Variants in GSTA3 observed in about 807,000 individuals in gnomAD.
GSTA3 encodes glutathione S-transferase alpha 3.
In GSTA3, 16 loss-of-function variants were observed where a neutral mutation model predicts 23.1. The ratio of observed to expected loss-of-function variants is 0.69; its 90% confidence interval spans 0.47 to 1.05. The LOEUF is 1.05. Among genes scored for constraint, GSTA3 ranks in the 50% least tolerant of loss-of-function variants. GSTA3 has a pLI of 0.00. For missense variants in GSTA3, 319 were observed against 263.6 expected (o/e 1.21, Z -1.46); for synonymous variants, 122 against 91.0 (o/e 1.34, Z -1.94).
In GSTA3 at chr6:52,905,768, A is replaced by G; in HGVS notation, c.67T>C (p.Leu23=). 1 of 1,606,866 alleles carries G rather than the reference A, an allele frequency of 6.2e-7. No individual in the cohort carries two copies. The highest frequency in any genetic ancestry group is 8.5e-7 in the Non-Finnish European group (1 of 1,174,476). Reference sequence around the variant, plus strand: ...CATACCTCCACTCCAGCTGCAGCCAAGAGCCACCGGATGGGCTCCATTCTG... The same window carrying G: ...CATACCTCCACTCCAGCTGCAGCCAGGAGCCACCGGATGGGCTCCATTCTG... The part of the protein sequence containing the change: ...RGRMEPIRWL[L]AAAGVEFEEK... Residue 23 remains leucine (L), a synonymous_variant, in exon 2 of 7, where the codon TTG becomes CTG. Transcript: ENST00000211122.
intron 5 of GSTA3, among the ~76,000 whole-genome samples, chr6:52,899,147 T>C (rs1429998990): frequency 6.6e-6 from 1 of 151,912 alleles, no homozygotes; most frequent in Non-Finnish European, 1.5e-5. Flanking sequence ...GTGATCGGAA[T>C]GAGTTAGGGT....
Position 52,902,415 on chromosome 6 carries a change from G to C in GSTA3, c.203C>G (p.Thr68Ser). 1.2e-6 allele frequency: 2 copies of C among 1,613,898 alleles called. No individual in the cohort carries two copies. The highest frequency in any genetic ancestry group is 1.7e-6 in the Non-Finnish European group (2 of 1,179,858). The change falls in exon 4 of 7, where the codon ACC (threonine) becomes AGC (serine). Residue 68 changes from threonine (T) to serine (S), a missense_variant. Thr to Ser is a moderately conservative substitution (Grantham distance 58). Transcript: ENST00000211122. ...GGCAATGTAGTTGAGAATGGCTCTG[G>C]TCTGTACCAACTTCATCCCATCAAT... ...VEIDGMKLVQ[T>S]RAILNYIASK...
In GSTA3 at chr6:52,897,867, T is replaced by C. The variant is rs1179011014; in HGVS notation, c.504A>G (p.Glu168=). Residue 168 remains glutamate (E), a synonymous_variant, in exon 6 of 7, where the codon GAA becomes GAG. Transcript: ENST00000211122. The part of the protein sequence containing the change: ...ISLVELLYYV[E]ELDSSLISNF... ...TGGAGATAAGGCTGGAGTCAAGCTC[T>C]TCCACATAGTAGAGAAGTTCCACCA... 3.1e-6 allele frequency: 5 copies of C among 1,613,876 alleles called. No homozygotes were observed. In the East Asian group the frequency reaches 8.9e-5, roughly 29 times the overall value.
chr6:52,900,726 G>C (rs763249799), intron 4 of GSTA3, among the ~76,000 whole-genome samples: 13 of 152,182 alleles, frequency 8.5e-5, no homozygotes, highest in Non-Finnish European at 1.8e-4. Flanking sequence ...GCTGTGCCAG[G>C]ATTTATCATC....
chr6:52,902,287 G>A (rs1765712993), intron 4 of GSTA3, 59 bp downstream of exon 4: 5 of 1,603,958 alleles, frequency 3.1e-6, no homozygotes, highest in Middle Eastern at 4.0e-4. Context: ...ACCCACTCAA[G>A]GAAGGACCTA....
chr6:52,901,365 C>G (rs1765679090), intron 4 of GSTA3, among the ~76,000 whole-genome samples: 1 of 152,220 alleles, frequency 6.6e-6, no homozygotes, highest in African/African-American at 2.4e-5. Context: ...ATTTCATACA[C>G]ACAATCCTAC....
rs45622744 is a variant in GSTA3 at position 52,900,509 on chromosome 6, C to T, written c.273-434G>A. 3.9e-3 allele frequency among the ~76,000 whole-genome samples: 593 copies of T among 152,220 alleles called. 4 individuals carry two copies. Among genetic ancestry groups the T allele is most frequent in the Non-Finnish European group, 6.6e-3 (446 of 68,006 alleles). ...AACCCCTGACCTCACGTGATCCACCCGCCTTGGCCTCCCAAAGTGCTAGGA... is the reference window on the plus strand; with the variant it reads ...AACCCCTGACCTCACGTGATCCACCTGCCTTGGCCTCCCAAAGTGCTAGGA... On this transcript the variant is annotated intron_variant, in intron 4 of 6. Coordinates refer to ENST00000211122, the MANE Select transcript of GSTA3 (RefSeq NM_000847.5).
In GSTA3 at chr6:52,902,401, T is replaced by G; in HGVS notation, c.217A>C (p.Asn73His). ...AGGTTGTATTTGCTGGCAATGTAGT[T>G]GAGAATGGCTCTGGTCTGTACCAAC... Reference protein sequence around the residue: ...MKLVQTRAILNYIASKYNLYG... With the variant: ...MKLVQTRAILHYIASKYNLYG... Residue 73 changes from asparagine to histidine, a missense_variant, in exon 4 of 7, where the codon AAC (asparagine) becomes CAC (histidine). Transcript: ENST00000211122. 1.9e-6 allele frequency: 3 copies of G among 1,614,050 alleles called. No individual in the cohort carries two copies. Among genetic ancestry groups the G allele is most frequent in the Non-Finnish European group, 2.5e-6 (3 of 1,179,938 alleles).
chr6:52,896,813 C>T lies in GSTA3; in HGVS notation c.662G>A (p.Arg221Lys). ...KALEEARKIF[R>K]F is the part of the protein sequence containing the mutation. ...GCCTCCATGGCTGCTTTATTAAAACCTGAAAATCTTTCTGGCTTCTTCTAA... is the reference window on the plus strand; with the variant it reads ...GCCTCCATGGCTGCTTTATTAAAACTTGAAAATCTTTCTGGCTTCTTCTAA... The change falls in exon 7 of 7, where the codon AGG becomes AAG. Residue 221 changes from arginine (R) to lysine (K), a missense_variant. Transcript: ENST00000211122. The T allele has an allele frequency of 6.2e-7, 1 of 1,613,990 alleles. No homozygotes were observed. Among genetic ancestry groups the T allele is most frequent in the Non-Finnish European group, 8.5e-7 (1 of 1,179,906 alleles).
chr6:52,897,581 G>T (rs1765495330), intron 6 of GSTA3, among the ~76,000 whole-genome samples: 1 of 152,196 alleles, frequency 6.6e-6, no homozygotes, highest in Non-Finnish European at 1.5e-5. Flanking sequence ...GCTGGGCCCT[G>T]GGTCCTTTCC....
At chr6:52,902,586 T>A in intron 3 of GSTA3, 108 bp from the exon 4 acceptor site, 1 of 1,146,936 alleles carries the variant, frequency 8.7e-7, no homozygotes, top group Non-Finnish European at 1.2e-6. Flanking sequence ...AAAAAGAAAT[T>A]ATTGCCTGCT....
At chr6:52,900,237 T>C (rs561853169) in intron 4 of GSTA3, among the ~76,000 whole-genome samples, 162 bp from the exon 5 acceptor site, 1 of 151,978 alleles carries the variant, frequency 6.6e-6, no homozygotes, top group South Asian at 2.1e-4. Flanking sequence ...TGCATGTATG[T>C]TGACGTTTCC....
chr6:52,900,751 T>C (rs1351365515), intron 4 of GSTA3, among the ~76,000 whole-genome samples: 1 of 152,216 alleles, frequency 6.6e-6, no homozygotes, highest in Non-Finnish European at 1.5e-5. Context: ...TTGTGGTTTG[T>C]TCTGTGCATA....
At chr6:52,908,784 T>C (rs1581873504) in intron 1 of GSTA3, among the ~76,000 whole-genome samples, 1 of 152,288 alleles carries the variant, frequency 6.6e-6, no homozygotes, top group Non-Finnish European at 1.5e-5. Flanking sequence ...ACAGGGAATA[T>C]AACAGCTTAA....
At chr6:52,909,539 C>T (rs1765999109) in intron 1 of GSTA3, 102 bp downstream of exon 1, 1 of 152,170 alleles carries the variant, frequency 6.6e-6, no homozygotes, top group South Asian at 2.1e-4. Context: ...AGAAAAACAG[C>T]AAGAACATAA....
chr6:52,907,752 C>T (rs1765941035), intron 1 of GSTA3, among the ~76,000 whole-genome samples: 1 of 146,046 alleles, frequency 6.8e-6, no homozygotes, highest in South Asian at 2.1e-4. Flanking sequence ...CATGTTCTCA[C>T]TCATAGGTGG....
At chr6:52,907,780 C>T (rs1765941567) in intron 1 of GSTA3, among the ~76,000 whole-genome samples, 1 of 134,850 alleles carries the variant, frequency 7.4e-6, no homozygotes, top group African/African-American at 2.8e-5. Context: ...ACAATGAGAA[C>T]ACTTGGACAC....
chr6:52,906,505 G>A (rs1295424081), intron 1 of GSTA3, among the ~76,000 whole-genome samples: 7 of 152,176 alleles, frequency 4.6e-5, no homozygotes, highest in Non-Finnish European at 1.5e-5. Flanking sequence ...GCATCATCAA[G>A]TCAATCCTAA....
chr6:52,904,273 A>G (rs965482706), intron 2 of GSTA3, among the ~76,000 whole-genome samples: 2 of 152,006 alleles, frequency 1.3e-5, no homozygotes, highest in Admixed American at 1.3e-4. Flanking sequence ...TAAAGGTGTG[A>G]CCCACTGCTC....
Sources: gnomAD v4.1 joint callset for allele counts (sites outside exome capture counted in the v4.1 genomes callset) on GRCh38, gnomAD v4.1.1 for gene constraint, MANE v1.5 for transcripts, NCBI Gene and HGNC (gene_info 2026-07-23, HGNC 2026-07-21) for gene names.